Variants in NELFA observed in about 807,000 individuals in gnomAD.
The protein encoded by NELFA is negative elongation factor A.
Under a neutral mutation model 51.8 loss-of-function variants are expected in NELFA, and 35 were observed. The observed-to-expected ratio is 0.68, with a 90% CI of 0.52 to 0.90. NELFA has a LOEUF of 0.90. NELFA is among the 40% of genes least tolerant of loss of function. The pLI is 0.00. For missense variants in NELFA, 658 were observed against 746.4 expected (o/e 0.88, Z 1.38); for synonymous variants, 417 against 338.4 (o/e 1.23, Z -2.55).
intron 1 of NELFA, 79 bp from the exon 2 acceptor site, chr4:1,991,794 C>T: frequency 6.9e-7 from 1 of 1,450,560 alleles, no homozygotes; most frequent in Non-Finnish European, 9.3e-7. Context: ...TCCGGATGGG[C>T]ACTGGGCAGT....
Position 1,989,880 on chromosome 4 carries a change from G to A in NELFA, c.383-11C>T, listed in dbSNP as rs1312489732. The stretch of plus-strand genomic sequence containing the variant: ...CTTCACACTCACCCACTGCCGGTAA[G>A]AACCACATGAAGTTAGGGGCGCCCA... On this transcript the variant is annotated splice_polypyrimidine_tract_variant and intron_variant, in intron 2 of 10. Coordinates refer to ENST00000382882, the MANE Select transcript of NELFA (RefSeq NM_005663.5). The surrounding 1 kb of genome is among the most constrained non-coding windows in gnomAD (Gnocchi z 4.8). The A allele has an allele frequency of 1.2e-6, 2 of 1,611,530 alleles. No individual in the cohort carries two copies. Among genetic ancestry groups the A allele is most frequent in the East Asian group, 2.2e-5 (1 of 44,850 alleles).
At chr4:1,991,238 G>A (rs1728258698) in intron 2 of NELFA, among the ~76,000 whole-genome samples, 1 of 152,206 alleles carries the variant, frequency 6.6e-6, no homozygotes, top group African/African-American at 2.4e-5. Flanking sequence ...GATACCACCT[G>A]AATGGGCAGA....
At chr4:2,001,574 C>T (rs546412558) in intron 1 of NELFA, among the ~76,000 whole-genome samples, 5 of 152,300 alleles carry the variant, frequency 3.3e-5, no homozygotes, top group Middle Eastern at 3.4e-3. Flanking sequence ...ATGTGAAGGA[C>T]CTCTTCAAAG....
rs929855446 is a variant in NELFA, at chr4:1,989,263, A to G, written c.544+445T>C. Among the ~76,000 whole-genome samples, 4 of 151,660 alleles carry G rather than the reference A, an allele frequency of 2.6e-5. No individual in the cohort carries two copies. Among genetic ancestry groups the G allele is most frequent in the African/African-American group, 9.7e-5 (4 of 41,254 alleles). On this transcript the variant is annotated intron_variant, in intron 3 of 10. Coordinates refer to ENST00000382882, the MANE Select transcript of NELFA (RefSeq NM_005663.5). The surrounding 1 kb of genome is among the most constrained non-coding windows in gnomAD (Gnocchi z 4.8). ...GCCCAGCCTAAATTCTGAAGTTTTT[A>G]AAGCATGTTTTCAGAACATAAAGTT...
At chr4:1,992,352 C>A in intron 1 of NELFA, 1 of 285,116 alleles carries the variant, frequency 3.5e-6, no homozygotes, top group Non-Finnish European at 7.1e-6. Context: ...TTGGGGAGGC[C>A]ATGGGCGACG....
intron 1 of NELFA, chr4:2,007,048 A>C (rs1226559310): frequency 3.7e-6 from 1 of 269,834 alleles, no homozygotes. Context: ...GCTTGAGGTC[A>C]GGAGTTCAAG....
In NELFA at chr4:1,983,247, GTTAC is replaced by G; in HGVS notation, c.*68_*71del. 2.0e-6 allele frequency: 3 copies of G among 1,494,546 alleles called. No individual in the cohort carries two copies. Among genetic ancestry groups the G allele is most frequent in the Non-Finnish European group, 2.7e-6 (3 of 1,101,010 alleles). 92.6% of individuals were successfully genotyped at this position (1,494,546 alleles called of 1,614,324 possible). Reference sequence around the variant, plus strand: ...TCGGGGGCCAGGTGTCCGCCATCCGGTTACTTTAAGCTGGCAAAGCCATCGTCCC... The same window carrying G: ...TCGGGGGCCAGGTGTCCGCCATCCGGTTTAAGCTGGCAAAGCCATCGTCCC... On this transcript the variant is annotated 3_prime_UTR_variant, in exon 11 of 11. Coordinates refer to ENST00000382882, the MANE Select transcript of NELFA (RefSeq NM_005663.5).
At chr4:2,008,503 T>G (rs1343616760) in intron 1 of NELFA, among the ~76,000 whole-genome samples, 2 of 57,502 alleles carry the variant, frequency 3.5e-5, no homozygotes, top group Non-Finnish European at 7.2e-5. Flanking sequence ...AGACCCACGG[T>G]GGGGATGAGA....
At position 1,984,117 on chromosome 4, in the gene NELFA, C is replaced by A; in HGVS notation, c.1037-4G>T. 6.4e-7 allele frequency: 1 copy of A among 1,551,194 alleles called. No homozygotes were observed. The highest frequency in any genetic ancestry group is 8.7e-7 in the Non-Finnish European group (1 of 1,155,894). On this transcript the variant is annotated splice_polypyrimidine_tract_variant and splice_region_variant and intron_variant, in intron 8 of 10. Coordinates refer to ENST00000382882, the MANE Select transcript of NELFA (RefSeq NM_005663.5). ...CTGGCTTCCCGGGAAGATGGGGCTG[C>A]AAGTAGACCGGGGCCTGGTGAGGGG...
At chr4:2,008,645 TG>T in intron 1 of NELFA, 104 bp downstream of exon 1, 2 of 1,093,030 alleles carry the variant, frequency 1.8e-6, no homozygotes, top group South Asian at 3.1e-5. Context: ...TGAAGGGGGA[TG>T]GGAAGGTTGG....
At chr4:1,984,546 G>A (rs1449913350) in intron 8 of NELFA, among the ~76,000 whole-genome samples, 2 of 152,200 alleles carry the variant, frequency 1.3e-5, no homozygotes, top group Non-Finnish European at 2.9e-5. Flanking sequence ...AAACCCTTTC[G>A]AACCCAATCC....
At chr4:1,991,431 C>G in intron 2 of NELFA, 113 bp downstream of exon 2, 1 of 1,092,630 alleles carries the variant, frequency 9.2e-7, no homozygotes, top group Non-Finnish European at 1.4e-6. Context: ...TTCTAGGGAC[C>G]AGGACACACG....
chr4:2,004,482 A>G (rs1193718119), intron 1 of NELFA, among the ~76,000 whole-genome samples: 3 of 152,238 alleles, frequency 2.0e-5, no homozygotes, highest in East Asian at 3.9e-4. Flanking sequence ...TATATGGTAC[A>G]TAAAATAATA....
intron 7 of NELFA, among the ~76,000 whole-genome samples, chr4:1,985,441 G>T (rs752329927): frequency 7.2e-5 from 11 of 152,074 alleles, no homozygotes; most frequent in Non-Finnish European, 1.6e-4. Flanking sequence ...ACCCCCACAG[G>T]CCTGTCCTGC....
chr4:1,996,814 C>T (rs1360125331), intron 1 of NELFA, among the ~76,000 whole-genome samples: 1 of 152,196 alleles, frequency 6.6e-6, no homozygotes, highest in Non-Finnish European at 1.5e-5. Flanking sequence ...CGCCTGTGAT[C>T]CCAGCTACTC....
At position 1,989,847 on chromosome 4, in the gene NELFA, G is replaced by T; in HGVS notation, c.405C>A (p.Ala135=). ...AGTACTGGCACTCCAGTGGCAGCATGGCAGACGCTTCACACTCACCCACTG... is the reference window on the plus strand; with the variant it reads ...AGTACTGGCACTCCAGTGGCAGCATTGCAGACGCTTCACACTCACCCACTG... The part of the protein sequence containing the change: ...REKVGECEAS[A]MLPLECQYLN... Residue 135 remains alanine (A), a synonymous_variant, in exon 3 of 11, where the codon GCC becomes GCA. Transcript: ENST00000382882. This position sits in a 1 kb window ranked among gnomAD's most constrained non-coding sequence, Gnocchi z 4.8. 3.1e-6 allele frequency: 5 copies of T among 1,614,020 alleles called. No individual in the cohort carries two copies. The highest frequency in any genetic ancestry group is 4.2e-6 in the Non-Finnish European group (5 of 1,179,990).
At chr4:1,984,999 C>T in intron 7 of NELFA, 80 bp from the exon 8 acceptor site, 6 of 1,037,726 alleles carry the variant, frequency 5.8e-6, no homozygotes, top group Non-Finnish European at 4.2e-6. Context: ...ACCCGGAGCT[C>T]CACTGCCACA....
At position 1,983,389 on chromosome 4, in the gene NELFA, A is replaced by C; in HGVS notation, c.1517T>G (p.Phe506Cys). The C allele has an allele frequency of 6.2e-7, 1 of 1,614,164 alleles. No homozygotes were observed. Among genetic ancestry groups the C allele is most frequent in the Non-Finnish European group, 8.5e-7 (1 of 1,180,026 alleles). ...GSTTMLVDTVFEMNYATGQWT... is the reference protein window; with the variant it reads ...GSTTMLVDTVCEMNYATGQWT... ...CTGGCCCGTGGCATAGTTCATCTCA[A>C]ACACTGTGTCCACCAGCATGGTTGT... is the stretch of plus-strand genomic sequence containing the variant. The change falls in exon 11 of 11, where the codon TTT becomes TGT. Residue 506 changes from phenylalanine (F) to cysteine (C), a missense_variant. Around this residue, in one of 3 missense-constraint regions of NELFA, gnomAD observed 87 missense variants for 130.2 expected, o/e 0.67. Coordinates refer to ENST00000382882, the MANE Select transcript of NELFA (RefSeq NM_005663.5).
At position 1,983,304 on chromosome 4, in the gene NELFA, G is replaced by A. The variant is rs201981501; in HGVS notation, c.*15C>T. The A allele has an allele frequency of 8.1e-6, 13 of 1,604,558 alleles. No homozygotes were observed. In the East Asian group the frequency reaches 2.5e-4, roughly 30 times the overall value. On this transcript the variant is annotated 3_prime_UTR_variant, in exon 11 of 11. Coordinates refer to ENST00000382882, the MANE Select transcript of NELFA (RefSeq NM_005663.5). ...GGACCCCCACAAGTGACGGCCAGCT[G>A]TGAGGCAGGTGGTTCTAGGACACAT...
Sources: gnomAD v4.1 joint callset for allele counts (sites outside exome capture counted in the v4.1 genomes callset) on GRCh38, gnomAD v4.1.1 for gene constraint, gnomAD v4.1.1 regional missense constraint, Gnocchi (gnomAD v3.1) non-coding constraint, MANE v1.5 for transcripts, NCBI Gene and HGNC (gene_info 2026-07-23, HGNC 2026-07-21) for gene names.